Variants in FHOD3 observed in about 807,000 individuals in gnomAD.
The protein encoded by FHOD3 is formin homology 2 domain containing 3.
FHOD3 carries 90 observed loss-of-function variants against 173.0 expected under a neutral mutation model. That is an observed-to-expected ratio of 0.52 (90% CI 0.44 to 0.62). The LOEUF (loss-of-function observed/expected upper bound fraction) is 0.62. Ranked by LOEUF, FHOD3 falls within the 20% of genes least tolerant of loss-of-function variation. The pLI, the probability that FHOD3 is intolerant of heterozygous loss-of-function variation, is 0.00. For missense variants in FHOD3, 1,945 were observed against 2,034.7 expected (o/e 0.96, Z 0.85); for synonymous variants, 828 against 823.0 (o/e 1.01, Z -0.10).
chr18:36,518,420 A>G (rs1277952190), intron 5 of FHOD3, among the ~76,000 whole-genome samples: 2 of 152,176 alleles, frequency 1.3e-5, no homozygotes, highest in African/African-American at 4.8e-5. Context: ...TGGATGACCC[A>G]GGAGTCTTGG....
intron 14 of FHOD3, among the ~76,000 whole-genome samples, chr18:36,668,877 T>C (rs1258611647): frequency 6.6e-6 from 1 of 152,042 alleles, no homozygotes; most frequent in Non-Finnish European, 1.5e-5. Context: ...TTTAAATTTA[T>C]TGATATTTGT....
chr18:36,319,904 T>C (rs562745467), intron 1 of FHOD3, among the ~76,000 whole-genome samples: 1 of 152,204 alleles, frequency 6.6e-6, no homozygotes, highest in East Asian at 1.9e-4. Flanking sequence ...AATAATGAAA[T>C]GAAGGCAGAA....
At chr18:36,386,822 C>T (rs2048057111) in intron 3 of FHOD3, among the ~76,000 whole-genome samples, 1 of 152,052 alleles carries the variant, frequency 6.6e-6, no homozygotes, top group South Asian at 2.1e-4. Context: ...CATAGGGCCT[C>T]CAGGCTGTGG....
intron 1 of FHOD3, among the ~76,000 whole-genome samples, chr18:36,327,642 ATC>A (rs974730198): frequency 2.0e-5 from 3 of 147,322 alleles, no homozygotes; most frequent in Admixed American, 6.6e-5. Flanking sequence ...CACTGCCATC[ATC>A]TCTCTCTCTT....
At chr18:36,535,504 A>G (rs1254607548) in intron 5 of FHOD3, among the ~76,000 whole-genome samples, 1 of 152,204 alleles carries the variant, frequency 6.6e-6, no homozygotes, top group East Asian at 1.9e-4. Context: ...GGAAGCATTC[A>G]GCAGGAATCC....
intron 5 of FHOD3, among the ~76,000 whole-genome samples, chr18:36,550,545 G>C (rs1043478190): frequency 6.6e-6 from 1 of 151,832 alleles, no homozygotes; most frequent in African/African-American, 2.4e-5. Context: ...GGGGAGAATT[G>C]ATATCTTCAA....
intron 1 of FHOD3, among the ~76,000 whole-genome samples, chr18:36,316,710 G>A (rs1287411906): frequency 6.7e-6 from 1 of 150,136 alleles, no homozygotes; most frequent in East Asian, 1.9e-4. Context: ...CCTTTTAGGG[G>A]TGGGCTTCAT....
intron 14 of FHOD3, among the ~76,000 whole-genome samples, chr18:36,660,327 G>T (rs370089406): frequency 4.6e-5 from 7 of 152,218 alleles, no homozygotes; most frequent in African/African-American, 1.7e-4. Flanking sequence ...TCCTGGGGAA[G>T]AGGCTGGACT....
At chr18:36,410,390 T>C (rs1333461696) in intron 3 of FHOD3, among the ~76,000 whole-genome samples, 2 of 152,252 alleles carry the variant, frequency 1.3e-5, no homozygotes, top group African/African-American at 4.8e-5. Flanking sequence ...CTACATGTTG[T>C]TTGTCTATTC....
chr18:36,694,079 T>C (rs2039119471), intron 17 of FHOD3, among the ~76,000 whole-genome samples: 1 of 152,054 alleles, frequency 6.6e-6, no homozygotes, highest in Non-Finnish European at 1.5e-5. Context: ...TCCTGCCTGC[T>C]CTGCATACTG....
rs905456889 is a variant in FHOD3 at position 36,446,794 on chromosome 18, C to T, written c.338-55138C>T. On this transcript the variant is annotated intron_variant, in intron 3 of 28. Transcript: ENST00000590592. Reference sequence around the variant, plus strand: ...AGTGCTTTAATAGTTGTTAAATGTACGCATCTCTCTCCAGTAGAATGAGTT... The same window carrying T: ...AGTGCTTTAATAGTTGTTAAATGTATGCATCTCTCTCCAGTAGAATGAGTT... 3.3e-5 allele frequency among the ~76,000 whole-genome samples: 5 copies of T among 152,204 alleles called. No homozygotes were observed. The South Asian group carries it at 6.2e-4, about 19-fold the overall frequency.
At chr18:36,628,855 T>C (rs2034303326) in intron 10 of FHOD3, among the ~76,000 whole-genome samples, 1 of 152,202 alleles carries the variant, frequency 6.6e-6, no homozygotes, top group African/African-American at 2.4e-5. Flanking sequence ...CTATTCTGTT[T>C]ATCCTGGTTC....
chr18:36,744,253 G>A (rs867012020), intron 23 of FHOD3, 60 bp downstream of exon 23: 23 of 1,551,482 alleles, frequency 1.5e-5, no homozygotes, highest in Admixed American at 5.8e-5. Context: ...GATCTTTATC[G>A]GTCATCCTCG....
chr18:36,628,722 A>T (rs1338450530), intron 10 of FHOD3, among the ~76,000 whole-genome samples: 1 of 152,226 alleles, frequency 6.6e-6, no homozygotes, highest in East Asian at 1.9e-4. Context: ...AAAAAATCTT[A>T]GTGCTAGAAA....
At chr18:36,594,689 A>G (rs2030008072) in intron 6 of FHOD3, 98 bp from the exon 7 acceptor site, 4 of 721,716 alleles carry the variant, frequency 5.5e-6, no homozygotes, top group Non-Finnish European at 9.6e-6. Flanking sequence ...AGAGCGTCTC[A>G]TCTAGGAAGT....
At chr18:36,417,467 C>T (rs2049726617) in intron 3 of FHOD3, among the ~76,000 whole-genome samples, 1 of 152,148 alleles carries the variant, frequency 6.6e-6, no homozygotes, top group Non-Finnish European at 1.5e-5. Context: ...TCCAGTCTAT[C>T]ATTCATGGGC....
chr18:36,348,857 C>T (rs993975896), intron 1 of FHOD3, among the ~76,000 whole-genome samples: 1 of 152,186 alleles, frequency 6.6e-6, no homozygotes, highest in African/African-American at 2.4e-5. Flanking sequence ...CCTGCAGTGT[C>T]GTGGTGCATT....
At chr18:36,467,780 G>T (rs1329346131) in intron 3 of FHOD3, among the ~76,000 whole-genome samples, 1 of 152,214 alleles carries the variant, frequency 6.6e-6, no homozygotes, top group Non-Finnish European at 1.5e-5. Context: ...GGTGGGCGTT[G>T]CCCTGCCACA....
At chr18:36,664,180 AAAAC>A (rs1290467172) in intron 14 of FHOD3, among the ~76,000 whole-genome samples, 1 of 152,328 alleles carries the variant, frequency 6.6e-6, no homozygotes, top group East Asian at 1.9e-4. Context: ...ACATTTTTAA[AAAAC>A]AAACTTCTCT....
Sources: gnomAD v4.1 joint callset for allele counts (sites outside exome capture counted in the v4.1 genomes callset) on GRCh38, gnomAD v4.1.1 for gene constraint, MANE v1.5 for transcripts, NCBI Gene and HGNC (gene_info 2026-07-23, HGNC 2026-07-21) for gene names.